NLGN3: variants seen among roughly 807,000 people sequenced by gnomAD.
NLGN3 encodes neuroligin 3.
NLGN3 carries 11 observed loss-of-function variants against 42.9 expected under a neutral mutation model. The observed-to-expected ratio is 0.26, with a 90% CI of 0.16 to 0.42. The LOEUF (loss-of-function observed/expected upper bound fraction) is 0.42. NLGN3 is among the 10% of genes least tolerant of loss of function. NLGN3 has a pLI of 1.00. For missense variants in NLGN3, 374 were observed against 733.8 expected (o/e 0.51, Z 5.67); for synonymous variants, 279 against 312.7 (o/e 0.89, Z 1.14).
chrX:71,174,948 G>A (rs1438434905), downstream of NLGN3, among the ~76,000 whole-genome samples: 7 of 111,849 alleles, frequency 6.3e-5, no homozygotes, highest in Non-Finnish European at 1.3e-4. Flanking sequence ...TTGTGACCTT[G>A]GGCCATATTA....
intron 3 of NLGN3, among the ~76,000 whole-genome samples, chrX:71,150,098 C>G (rs5981078): frequency 4.5e-5 from 5 of 111,111 alleles, no homozygotes; most frequent in Non-Finnish European, 9.4e-5. Context: ...AATGCACACC[C>G]GAGCATGGAA....
At chrX:71,166,546 T>C (rs2092447963) in intron 6 of NLGN3, among the ~76,000 whole-genome samples, 1 of 111,396 alleles carries the variant, frequency 9.0e-6, no homozygotes, top group Admixed American at 9.5e-5. Context: ...GCCTTTGCCC[T>C]TGGGCTCCTT....
At chrX:71,154,203 TTCC>T (rs1463237075) in intron 4 of NLGN3, among the ~76,000 whole-genome samples, 7 of 113,310 alleles carry the variant, frequency 6.2e-5, no homozygotes, top group African/African-American at 2.2e-4. Context: ...CGGACCAGCC[TTCC>T]TCCTTGGAGA....
rs767310116 is a variant in NLGN3, at chrX:71,147,690, T to C, written c.-60T>C. On this transcript the variant is annotated 5_prime_UTR_variant, in exon 2 of 8. Transcript: ENST00000358741. ...TCAGTGTGGCCATGAAGGGGCTGCC[T>C]ATTGGGCTGATGCTGTGACCCTGGA... 9.7e-6 allele frequency: 10 copies of C among 1,027,916 alleles called. No homozygotes were observed. In the Admixed American group the frequency reaches 2.2e-4, roughly 23 times the overall value. The allele number at this position is 1,027,916 out of a possible 1,213,427, so 84.7% of individuals were successfully genotyped here. A position where few individuals can be genotyped will look rare whatever the true frequency, so the allele number is the denominator to read the frequency against.
chrX:71,157,848 T>A (rs1321397930), intron 5 of NLGN3, among the ~76,000 whole-genome samples: 1 of 109,648 alleles, frequency 9.1e-6, no homozygotes, highest in Non-Finnish European at 1.9e-5. Context: ...CCCGGGAGAC[T>A]GAATATGGAG....
At chrX:71,167,857 G>C (rs1040801013) in intron 7 of NLGN3, 57 bp downstream of exon 7, 3 of 1,005,961 alleles carry the variant, frequency 3.0e-6, no homozygotes, top group African/African-American at 3.8e-5. Context: ...CCTCCCCTCT[G>C]CTCCTCTAGC....
At chrX:71,171,527 GCCT>G (rs1387242926), downstream of NLGN3, 2 of 164,163 alleles carry the variant, frequency 1.2e-5, no homozygotes, top group African/African-American at 3.2e-5. Context: ...CACCGCTGCG[GCCT>G]CCTCCTCCTC....
rs1388326759 is a variant in NLGN3, at chrX:71,170,414, G to C, written c.*317G>C. ...CCTGAATCTGACCACAGACACTCCT[G>C]GGGGGCCTGAAAGCAACAGCTGGAC... On this transcript the variant is annotated 3_prime_UTR_variant, in exon 8 of 8. Transcript: ENST00000358741. 3.1e-6 allele frequency: 3 copies of C among 956,945 alleles called. No individual in the cohort carries two copies. Among genetic ancestry groups the C allele is most frequent in the African/African-American group, 4.0e-5 (2 of 49,581 alleles). 78.9% of individuals were successfully genotyped at this position (956,945 alleles called of 1,213,427 possible). A position where few individuals can be genotyped will look rare whatever the true frequency, so the allele number is the denominator to read the frequency against.
At chrX:71,164,412 G>A in intron 6 of NLGN3, 84 bp downstream of exon 6, 1 of 975,494 alleles carries the variant, frequency 1.0e-6, no homozygotes, top group Non-Finnish European at 1.4e-6. Flanking sequence ...GGCATCCAAG[G>A]GAATCGGCCA....
chrX:71,168,896 AAG>A (rs200579944), intron 7 of NLGN3, among the ~76,000 whole-genome samples: 2,467 of 105,045 alleles, frequency 0.023, 119 homozygotes, highest in African/African-American at 0.088. Flanking sequence ...GAAAGAAAGA[AAG>A]AAAGAAAAAG....
chrX:71,171,740 T>C, downstream of NLGN3: 1 of 663,245 alleles, frequency 1.5e-6, no homozygotes, highest in South Asian at 7.8e-5. Flanking sequence ...TTTGCTGCTC[T>C]GTGAATTAGA....
chrX:71,145,629 T>C (rs2092363584), intron 1 of NLGN3, among the ~76,000 whole-genome samples: 1 of 109,299 alleles, frequency 9.1e-6, no homozygotes, highest in Admixed American at 9.7e-5. Flanking sequence ...CAGTGGGTCC[T>C]AGGGTACAGA....
intron 7 of NLGN3, 83 bp downstream of exon 7, chrX:71,167,883 A>G: frequency 1.2e-6 from 1 of 868,765 alleles, no homozygotes; most frequent in Non-Finnish European, 1.7e-6. Flanking sequence ...CTCTTCCATC[A>G]TATCCCTTCC....
intron 3 of NLGN3, among the ~76,000 whole-genome samples, chrX:71,150,698 T>A (rs1388615296): frequency 1.3e-5 from 1 of 74,876 alleles, no homozygotes. Context: ...CGAGACTCCA[T>A]CTCAAAAAAA....
chrX:71,167,889 C>A, intron 7 of NLGN3, 89 bp downstream of exon 7: 1 of 843,148 alleles, frequency 1.2e-6, no homozygotes, highest in South Asian at 2.0e-5. Flanking sequence ...CATCATATCC[C>A]TTCCTAAGAT....
At position 71,154,456 on chromosome X, in the gene NLGN3, G is replaced by A. The variant is rs756857354; in HGVS notation, c.578-758G>A. 1.1e-4 allele frequency among the ~76,000 whole-genome samples: 12 copies of A among 112,629 alleles called. No homozygotes were observed. The East Asian group carries it at 1.1e-3, about 11-fold the overall frequency. Reference sequence around the variant, plus strand: ...CCCTGATGCCGTGCCGCCTGGGCTCGGGAGCAGCCGCTTGATGGTCCCTTG... The same window carrying A: ...CCCTGATGCCGTGCCGCCTGGGCTCAGGAGCAGCCGCTTGATGGTCCCTTG... On this transcript the variant is annotated intron_variant, in intron 4 of 7. Transcript: ENST00000358741.
chrX:71,160,034 C>T (rs1020591720), intron 5 of NLGN3, among the ~76,000 whole-genome samples: 15 of 104,830 alleles, frequency 1.4e-4, no homozygotes, highest in Non-Finnish European at 2.9e-4. Context: ...CTGCACCCGG[C>T]GGGGAATTTT....
At chrX:71,148,354 C>A in intron 2 of NLGN3, 148 bp downstream of exon 2, 3 of 500,601 alleles carry the variant, frequency 6.0e-6, no homozygotes, top group Non-Finnish European at 1.1e-5. Context: ...CCTCCCACCC[C>A]CCTCCCTGTT....
intron 5 of NLGN3, among the ~76,000 whole-genome samples, chrX:71,158,426 A>T (rs976637892): frequency 1.8e-5 from 2 of 112,288 alleles, no homozygotes; most frequent in African/African-American, 6.5e-5. Context: ...CGCAAATGTG[A>T]TCACAAACAG....
Sources: gnomAD v4.1 joint callset for allele counts (sites outside exome capture counted in the v4.1 genomes callset) on GRCh38, gnomAD v4.1.1 for gene constraint, MANE v1.5 for transcripts, NCBI Gene and HGNC (gene_info 2026-07-23, HGNC 2026-07-21) for gene names.